The following RAB1A variants were observed in gnomAD, a reference collection of about 807,000 sequenced individuals.
RAB1A encodes ras-related protein Rab-1A.
RAB1A carries 2 observed loss-of-function variants against 26.0 expected under a neutral mutation model. The ratio of observed to expected loss-of-function variants is 0.08; its 90% CI spans 0.03 to 0.24. RAB1A has a LOEUF of 0.24. Ranked by LOEUF, RAB1A falls within the 10% of genes least tolerant of loss-of-function variation. The pLI is 1.00. For missense variants in RAB1A, 100 were observed against 247.0 expected (o/e 0.40, Z 3.99); for synonymous variants, 84 against 84.9 (o/e 0.99, Z 0.06).
intron 3 of RAB1A, among the ~76,000 whole-genome samples, chr2:65,091,804 C>A (rs1393215163): frequency 2.0e-5 from 3 of 152,324 alleles, no homozygotes; most frequent in Admixed American, 6.5e-5. Flanking sequence ...GCATTACTGG[C>A]ATGAGCCACC....
intron 3 of RAB1A, among the ~76,000 whole-genome samples, chr2:65,093,270 T>C (rs1187605314): frequency 6.6e-6 from 1 of 152,202 alleles, no homozygotes; most frequent in African/African-American, 2.4e-5. Flanking sequence ...CATGTTTGTC[T>C]CTCCCATTGT....
chr2:65,109,544 A>C (rs1669646238), intron 1 of RAB1A, among the ~76,000 whole-genome samples: 1 of 151,678 alleles, frequency 6.6e-6, no homozygotes, highest in African/African-American at 2.4e-5. Context: ...TCTCTACTAA[A>C]AAAAAAAATA....
At chr2:65,111,005 G>C (rs1308906014) in intron 1 of RAB1A, among the ~76,000 whole-genome samples, 1 of 151,988 alleles carries the variant, frequency 6.6e-6, no homozygotes, top group African/African-American at 2.4e-5. Flanking sequence ...CTGGATAAAT[G>C]CTAAATTAAT....
chr2:65,097,507 T>A (rs967525544), intron 3 of RAB1A, among the ~76,000 whole-genome samples: 1 of 152,322 alleles, frequency 6.6e-6, no homozygotes, highest in East Asian at 1.9e-4. Context: ...AAATTCTGTG[T>A]TTCTACAGAG....
intron 1 of RAB1A, among the ~76,000 whole-genome samples, chr2:65,108,977 A>T: frequency 6.6e-6 from 1 of 152,196 alleles, no homozygotes; most frequent in Admixed American, 6.6e-5. Context: ...GTCACATGAG[A>T]AAGGCAAATA....
chr2:65,088,727 T>C (rs1200202170), intron 5 of RAB1A, 37 bp from the exon 6 acceptor site: 2 of 1,510,828 alleles, frequency 1.3e-6, no homozygotes, highest in Non-Finnish European at 1.8e-6. Flanking sequence ...CACTGAAAAA[T>C]CTTTTTCACT....
At chr2:65,099,842 G>A (rs1385004930) in intron 2 of RAB1A, among the ~76,000 whole-genome samples, 2 of 152,120 alleles carry the variant, frequency 1.3e-5, no homozygotes, top group Non-Finnish European at 2.9e-5. Context: ...TAAGGATAGT[G>A]CAGTTCTAGG....
intron 3 of RAB1A, among the ~76,000 whole-genome samples, chr2:65,095,156 A>T (rs981797967): frequency 6.6e-6 from 1 of 151,982 alleles, no homozygotes; most frequent in African/African-American, 2.4e-5. Context: ...AGGAATAAAT[A>T]AAAAAAATAA....
chr2:65,094,601 A>G (rs1669243902), intron 3 of RAB1A, among the ~76,000 whole-genome samples: 2 of 149,530 alleles, frequency 1.3e-5, no homozygotes, highest in African/African-American at 4.9e-5. Context: ...AAAAAAAAAG[A>G]AAAAAGAAAA....
intron 2 of RAB1A, 90 bp from the exon 3 acceptor site, chr2:65,098,156 TA>T: frequency 1.4e-6 from 1 of 697,960 alleles, no homozygotes; most frequent in Non-Finnish European, 2.2e-6. Context: ...TGTTCAAGAG[TA>T]AATAAAAAAA....
intron 1 of RAB1A, among the ~76,000 whole-genome samples, chr2:65,110,040 C>T (rs1573079869): frequency 6.6e-6 from 1 of 152,146 alleles, no homozygotes; most frequent in Admixed American, 6.6e-5. Flanking sequence ...TTTAATCAGG[C>T]CTCTTTCGTT....
At chr2:65,117,655 C>T (rs979860618) in intron 1 of RAB1A, among the ~76,000 whole-genome samples, 1 of 152,162 alleles carries the variant, frequency 6.6e-6, no homozygotes, top group Non-Finnish European at 1.5e-5. Context: ...CAACCTCCAC[C>T]TCCCAGGCTC....
chr2:65,095,325 G>A (rs566613864), intron 3 of RAB1A, among the ~76,000 whole-genome samples: 4 of 151,194 alleles, frequency 2.6e-5, no homozygotes, highest in Non-Finnish European at 4.4e-5. Context: ...CGTGAACCAC[G>A]ACGCCCGGAC....
intron 1 of RAB1A, among the ~76,000 whole-genome samples, chr2:65,119,590 A>C (rs961355044): frequency 4.0e-5 from 6 of 151,810 alleles, no homozygotes; most frequent in East Asian, 3.9e-4. Flanking sequence ...AAAACAAAAA[A>C]AAACAAAAAA....
At chr2:65,097,113 C>T (rs889357748) in intron 3 of RAB1A, among the ~76,000 whole-genome samples, 3 of 152,060 alleles carry the variant, frequency 2.0e-5, no homozygotes, top group Non-Finnish European at 2.9e-5. Flanking sequence ...GGACTCCTTC[C>T]AATTCCATGT....
At chr2:65,107,717 C>T (rs1669594487) in intron 1 of RAB1A, among the ~76,000 whole-genome samples, 2 of 152,116 alleles carry the variant, frequency 1.3e-5, no homozygotes, top group South Asian at 4.1e-4. Flanking sequence ...ATCCAGTAAA[C>T]ACTCAAAAAC....
Position 65,088,710 on chromosome 2 carries a change from C to A in RAB1A, c.421-20G>T, listed in dbSNP as rs1454800949. Reference sequence around the variant, plus strand: ...AAATTCCTAAGAGAATAATGAGGCACAATTAACACTGAAAAATCTTTTTCA... The same window carrying A: ...AAATTCCTAAGAGAATAATGAGGCAAAATTAACACTGAAAAATCTTTTTCA... On this transcript the variant is annotated intron_variant, in intron 5 of 5. Transcript: ENST00000409784. 5.1e-6 allele frequency: 8 copies of A among 1,564,528 alleles called. No individual in the cohort carries two copies. The highest frequency in any genetic ancestry group is 1.4e-5 in the African/African-American group (1 of 73,526).
intron 1 of RAB1A, among the ~76,000 whole-genome samples, chr2:65,125,545 C>T (rs1670078769): frequency 1.3e-5 from 2 of 151,216 alleles, no homozygotes; most frequent in South Asian, 4.2e-4. Context: ...CCTCAGGTTC[C>T]TGAGTAGCTG....
intron 3 of RAB1A, 47 bp downstream of exon 3, chr2:65,097,924 A>T: frequency 8.8e-7 from 1 of 1,132,378 alleles, no homozygotes. Flanking sequence ...ATACATTACA[A>T]ATTTACCAAA....
Sources: allele counts gnomAD v4.1 joint callset (sites outside exome capture counted in the v4.1 genomes callset), GRCh38; gene constraint gnomAD v4.1.1; transcripts MANE v1.5; gene names NCBI Gene and HGNC (gene_info 2026-07-23, HGNC 2026-07-21).